The following IRF2 variants were observed in gnomAD, a reference collection of about 807,000 sequenced individuals.
IRF2 encodes the protein interferon regulatory factor 2.
In IRF2, 15 loss-of-function variants were observed where a neutral mutation model predicts 40.6. The observed-to-expected ratio is 0.37, with a 90% CI of 0.25 to 0.57. The LOEUF is 0.57. Ranked by LOEUF, IRF2 falls within the 20% of genes least tolerant of loss-of-function variation. The probability of loss-of-function intolerance (pLI) is 0.77; values close to 1 mark genes in which losing one functional copy is unlikely to be tolerated. For synonymous variants in IRF2, 151 were observed against 165.5 expected (o/e 0.91, Z 0.67); for missense variants, 317 against 455.7 (o/e 0.70, Z 2.77).
At chr4:184,429,909 C>T (rs1202794375) in intron 1 of IRF2, among the ~76,000 whole-genome samples, 1 of 152,176 alleles carries the variant, frequency 6.6e-6, no homozygotes, top group African/African-American at 2.4e-5. Flanking sequence ...GAATCACTAA[C>T]AAAGTACCTT....
At chr4:184,430,483 C>T (rs1405428759) in intron 1 of IRF2, among the ~76,000 whole-genome samples, 2 of 152,174 alleles carry the variant, frequency 1.3e-5, no homozygotes, top group African/African-American at 2.4e-5. Context: ...CAAGGGCTTC[C>T]CAGACCACTC....
At chr4:184,405,403 C>T (rs1435569889) in intron 6 of IRF2, among the ~76,000 whole-genome samples, 2 of 152,204 alleles carry the variant, frequency 1.3e-5, no homozygotes, top group African/African-American at 4.8e-5. Flanking sequence ...GTGGACAAAG[C>T]CTTTGCAGCT....
chr4:184,392,756 G>A (rs1320229321), intron 7 of IRF2, among the ~76,000 whole-genome samples: 1 of 152,168 alleles, frequency 6.6e-6, no homozygotes, highest in East Asian at 1.9e-4. Context: ...GTAAGAATGT[G>A]GACTCCACTG....
At chr4:184,452,230 G>A (rs768186010) in intron 1 of IRF2, among the ~76,000 whole-genome samples, 29 of 152,194 alleles carry the variant, frequency 1.9e-4, no homozygotes, top group Non-Finnish European at 3.8e-4. Context: ...CAGGAGAGCT[G>A]AGCAAAGGGG....
At chr4:184,438,701 T>C (rs983064875) in intron 1 of IRF2, among the ~76,000 whole-genome samples, 15 of 152,170 alleles carry the variant, frequency 9.9e-5, no homozygotes, top group Admixed American at 9.8e-4. Context: ...TGGCCTAATA[T>C]TTTTAACATT....
At chr4:184,402,495 T>G (rs550754500) in intron 6 of IRF2, among the ~76,000 whole-genome samples, 1 of 152,098 alleles carries the variant, frequency 6.6e-6, no homozygotes, top group African/African-American at 2.4e-5. Context: ...GAGCTTTGAG[T>G]TGGTCAATGG....
At position 184,387,998 on chromosome 4, in the gene IRF2, T is replaced by G. The variant is rs1736117527; in HGVS notation, c.*760A>C. On this transcript the variant is annotated 3_prime_UTR_variant, in exon 9 of 9. Coordinates refer to ENST00000393593, the MANE Select transcript of IRF2 (RefSeq NM_002199.4). ...ATAAAAAAGCTTGCTCTGGTTAGAATTAGAGTATTTTTGTCTTCAAATCTG... is the reference window on the plus strand; with the variant it reads ...ATAAAAAAGCTTGCTCTGGTTAGAAGTAGAGTATTTTTGTCTTCAAATCTG... 1 of 152,636 alleles carries G rather than the reference T, an allele frequency of 6.6e-6. No individual in the cohort carries two copies. Among genetic ancestry groups the G allele is most frequent in the African/African-American group, 2.4e-5 (1 of 41,456 alleles). The allele number at this position is 152,636 out of a possible 1,614,324, so 9.5% of individuals were successfully genotyped here.
intron 6 of IRF2, chr4:184,407,356 T>A: frequency 1.4e-6 from 1 of 726,196 alleles, no homozygotes; most frequent in South Asian, 1.7e-5. Context: ...CTGAGGTCTT[T>A]TGGGCACTAT....
chr4:184,449,405 T>TA (rs1738633481), intron 1 of IRF2, among the ~76,000 whole-genome samples: 1 of 152,236 alleles, frequency 6.6e-6, no homozygotes, highest in Admixed American at 6.5e-5. Flanking sequence ...CCCAAATCTG[T>TA]AGACAAGAAT....
chr4:184,419,579 A>C lies in IRF2; in HGVS notation c.88-11T>G. On this transcript the variant is annotated splice_polypyrimidine_tract_variant and intron_variant, in intron 2 of 8. Transcript: ENST00000393593. ...AAAAATCTTCTTTTCCTGAAAAAAA[A>C]AAAAAAAAAAAAGGTAAAGAACTGG... is the stretch of plus-strand genomic sequence containing the variant. 6.4e-7 allele frequency: 1 copy of C among 1,566,050 alleles called. No homozygotes were observed. Among genetic ancestry groups the C allele is most frequent in the Non-Finnish European group, 8.7e-7 (1 of 1,149,458 alleles).
intron 2 of IRF2, chr4:184,428,671 T>G (rs1418601467): frequency 2.1e-6 from 1 of 476,528 alleles, no homozygotes; most frequent in East Asian, 6.1e-5. Context: ...TGGTGACGTT[T>G]ACCTGTAGTT....
rs775460786 is a variant in IRF2, at chr4:184,434,208, G to A, written c.-6-5138C>T. ...CAGGTAGCTCAGTGGAGATGACACA[G>A]AGCGGCTATGTTTGTCTAAGAACCA... is the stretch of plus-strand genomic sequence containing the variant. On this transcript the variant is annotated intron_variant, in intron 1 of 8. Transcript: ENST00000393593. Among the ~76,000 whole-genome samples, 5 of 152,348 alleles carry A rather than the reference G, an allele frequency of 3.3e-5. No homozygotes were observed. The Middle Eastern group carries it at 0.01, about 311-fold the overall frequency.
intron 1 of IRF2, among the ~76,000 whole-genome samples, chr4:184,458,406 T>C (rs941222594): frequency 7.9e-5 from 12 of 152,216 alleles, no homozygotes; most frequent in South Asian, 2.1e-4. Flanking sequence ...CTTCGCAGCA[T>C]AGGGCTTCAC....
Position 184,396,310 on chromosome 4 carries a change from G to A in IRF2, c.694+2605C>T, listed in dbSNP as rs140083141. On this transcript the variant is annotated intron_variant, in intron 7 of 8. Coordinates refer to ENST00000393593, the MANE Select transcript of IRF2 (RefSeq NM_002199.4). ...GCTGTCCAGGGCAGCGACACAGGGC[G>A]GGCGTTAAGGACCGGCCTTTGGCAT... Among the ~76,000 whole-genome samples, 323 of 152,278 alleles carry A rather than the reference G, an allele frequency of 2.1e-3. 6 individuals are homozygous for A. Among genetic ancestry groups the A allele is most frequent in the African/African-American group, 6.8e-3 (282 of 41,556 alleles).
At chr4:184,426,595 G>A (rs1488002180) in intron 2 of IRF2, among the ~76,000 whole-genome samples, 1 of 152,202 alleles carries the variant, frequency 6.6e-6, no homozygotes, top group Non-Finnish European at 1.5e-5. Flanking sequence ...AGGTTAGGAT[G>A]TGGACATATC....
chr4:184,452,770 C>CAAAAAA lies in IRF2; in HGVS notation c.-7+21603_-7+21608dup, dbSNP rs530415114. Among the ~76,000 whole-genome samples the CAAAAAA allele has an allele frequency of 2.0e-3, 107 of 53,818 alleles. 4 individuals carry two copies. Among genetic ancestry groups the CAAAAAA allele is most frequent in the South Asian group, 4.3e-3 (4 of 934 alleles). 35.3% of individuals were successfully genotyped at this position (53,818 alleles called of 152,430 possible). On this transcript the variant is annotated intron_variant, in intron 1 of 8. Coordinates refer to ENST00000393593, the MANE Select transcript of IRF2 (RefSeq NM_002199.4). ...TGAGCAACAGAGCAGGACCCTGTCT[C>CAAAAAA]AAAAAAAAAAAAAAAAAAAAAAAAA...
intron 1 of IRF2, among the ~76,000 whole-genome samples, chr4:184,452,796 G>GAAAAAAAAAAAAAAAAAAAAAA (rs1738771814): frequency 1.2e-5 from 1 of 82,806 alleles, no homozygotes; most frequent in Non-Finnish European, 2.5e-5. Context: ...AAAAAAAAAA[G>GAAAAAAAAAAAAAAAAAAAAAA]GGAAAGAAAG....
At chr4:184,390,660 C>T in intron 8 of IRF2, 43 bp downstream of exon 8, 1 of 1,606,228 alleles carries the variant, frequency 6.2e-7, no homozygotes, top group Non-Finnish European at 8.5e-7. Context: ...GGTCGGGAGG[C>T]TTTTCCTTGG....
intron 1 of IRF2, among the ~76,000 whole-genome samples, chr4:184,456,242 T>C (rs545534129): frequency 1.1e-3 from 169 of 152,292 alleles, no homozygotes; most frequent in African/African-American, 3.8e-3. Flanking sequence ...TTCAAAGGCC[T>C]ATGGGGAAGT....
Sources: allele counts gnomAD v4.1 joint callset (sites outside exome capture counted in the v4.1 genomes callset), GRCh38; gene constraint gnomAD v4.1.1; transcripts MANE v1.5; gene names NCBI Gene and HGNC (gene_info 2026-07-23, HGNC 2026-07-21).